Variants in ANK3 observed in about 807,000 individuals in gnomAD.
ANK3 encodes ankyrin-3.
Under a neutral mutation model 370.9 loss-of-function variants are expected in ANK3, and 57 were observed. The ratio of observed to expected loss-of-function variants is 0.15; its 90% CI spans 0.12 to 0.19. The LOEUF (loss-of-function observed/expected upper bound fraction) is 0.19. Among genes scored for constraint, ANK3 ranks in the 10% least tolerant of loss-of-function variants. The pLI is 1.00. For synonymous variants in ANK3, 1,929 were observed against 1,946.3 expected (o/e 0.99, Z 0.23); for missense variants, 4,439 against 5,302.1 (o/e 0.84, Z 5.06).
At chr10:60,291,290 T>G (rs1043596278) in intron 1 of ANK3, among the ~76,000 whole-genome samples, 1 of 152,102 alleles carries the variant, frequency 6.6e-6, no homozygotes. Context: ...AAATCATAGG[T>G]ATCAGGAGAG....
chr10:60,305,360 C>A (rs1418364758), intron 1 of ANK3, among the ~76,000 whole-genome samples: 2 of 151,938 alleles, frequency 1.3e-5, no homozygotes, highest in African/African-American at 2.4e-5. Flanking sequence ...GCAACAAAAA[C>A]CAGAAAATAA....
chr10:60,577,313 T>C (rs1049950451), intron 2 of ANK3, among the ~76,000 whole-genome samples: 1 of 152,154 alleles, frequency 6.6e-6, no homozygotes, highest in Non-Finnish European at 1.5e-5. Context: ...TTCTAGGCCA[T>C]AGAAAAGATT....
intron 2 of ANK3, among the ~76,000 whole-genome samples, chr10:60,562,414 G>A (rs1255631446): frequency 6.6e-6 from 1 of 151,790 alleles, no homozygotes; most frequent in African/African-American, 2.4e-5. Flanking sequence ...GTTTCGGGGG[G>A]GGCATCCGTG....
intron 42 of ANK3, among the ~76,000 whole-genome samples, chr10:60,051,989 G>T (rs551203378): frequency 6.6e-6 from 1 of 151,962 alleles, no homozygotes; most frequent in East Asian, 1.9e-4. Flanking sequence ...ACAGAAAGAG[G>T]CATAATATTT....
chr10:60,520,274 G>A (rs1595195049), intron 2 of ANK3, among the ~76,000 whole-genome samples: 1 of 152,142 alleles, frequency 6.6e-6, no homozygotes, highest in Non-Finnish European at 1.5e-5. Context: ...AGACACTGGG[G>A]ACGAAGGAGG....
At chr10:60,424,659 T>C (rs932607350) in intron 2 of ANK3, among the ~76,000 whole-genome samples, 1 of 152,116 alleles carries the variant, frequency 6.6e-6, no homozygotes, top group Non-Finnish European at 1.5e-5. Context: ...TACATTGTAG[T>C]GTGGCAGTTA....
intron 16 of ANK3, among the ~76,000 whole-genome samples, chr10:60,192,121 T>TG (rs2096492896): frequency 6.6e-6 from 1 of 152,058 alleles, no homozygotes; most frequent in Admixed American, 6.6e-5. Context: ...CTCCATCTCC[T>TG]GACCTCGTGA....
chr10:60,415,660 C>T (rs2063646763), intron 2 of ANK3, among the ~76,000 whole-genome samples: 2 of 152,114 alleles, frequency 1.3e-5, no homozygotes, highest in Admixed American at 1.3e-4. Context: ...TCAAATGAAC[C>T]TGTTAATTTC....
At chr10:60,439,194 C>G (rs1051566111) in intron 2 of ANK3, among the ~76,000 whole-genome samples, 2 of 152,032 alleles carry the variant, frequency 1.3e-5, no homozygotes, top group African/African-American at 4.8e-5. Context: ...GACTTCGAGA[C>G]CTTAGCCACT....
intron 2 of ANK3, among the ~76,000 whole-genome samples, chr10:60,477,598 A>G (rs1033148549): frequency 6.6e-6 from 1 of 151,646 alleles, no homozygotes; most frequent in Non-Finnish European, 1.5e-5. Context: ...AAAGTGTTAC[A>G]GGGCTATTAA....
intron 2 of ANK3, among the ~76,000 whole-genome samples, chr10:60,524,015 T>C (rs1442742555): frequency 2.0e-5 from 3 of 152,076 alleles, no homozygotes; most frequent in African/African-American, 4.8e-5. Context: ...TGTATTAAAT[T>C]AAAGGAATGC....
intron 1 of ANK3, among the ~76,000 whole-genome samples, chr10:60,674,475 C>G (rs1369023041): frequency 6.6e-6 from 1 of 152,050 alleles, no homozygotes; most frequent in Non-Finnish European, 1.5e-5. Context: ...ACAACCAGAT[C>G]TCACGTGAAC....
chr10:60,120,495 C>T (rs2093401279), intron 25 of ANK3, among the ~76,000 whole-genome samples: 1 of 151,922 alleles, frequency 6.6e-6, no homozygotes. Context: ...AGCTTCCGCA[C>T]AGCAAAAGAA....
At chr10:60,339,298 G>A (rs1417366002) in intron 1 of ANK3, among the ~76,000 whole-genome samples, 1 of 152,130 alleles carries the variant, frequency 6.6e-6, no homozygotes, top group Non-Finnish European at 1.5e-5. Context: ...GAGAGATAAA[G>A]CATCAGCAAA....
chr10:60,315,823 C>A (rs113397674), intron 1 of ANK3, among the ~76,000 whole-genome samples: 9 of 152,192 alleles, frequency 5.9e-5, no homozygotes, highest in Non-Finnish European at 1.3e-4. Context: ...CCATTCTCTT[C>A]CCAACCAGCA....
chr10:60,552,675 A>G (rs1384880452), intron 2 of ANK3, among the ~76,000 whole-genome samples: 1 of 152,184 alleles, frequency 6.6e-6, no homozygotes, highest in Non-Finnish European at 1.5e-5. Flanking sequence ...AAATAACTAA[A>G]TCTACTAAAG....
At chr10:60,435,705 CT>C (rs1169563576) in intron 2 of ANK3, among the ~76,000 whole-genome samples, 5 of 152,232 alleles carry the variant, frequency 3.3e-5, no homozygotes, top group Non-Finnish European at 7.3e-5. Flanking sequence ...CACTAATCTA[CT>C]TTCTGTCTTT....
At chr10:60,393,911 G>T (rs1383336484), upstream of ANK3, among the ~76,000 whole-genome samples, 1 of 151,812 alleles carries the variant, frequency 6.6e-6, no homozygotes, top group Non-Finnish European at 1.5e-5. Flanking sequence ...ATAGAATAAT[G>T]GAAGATGGAA....
intron 2 of ANK3, among the ~76,000 whole-genome samples, chr10:60,512,699 A>AT (rs2076117871): frequency 1.3e-5 from 2 of 152,240 alleles, no homozygotes; most frequent in African/African-American, 4.8e-5. Context: ...AGGGAATAAG[A>AT]TTTTTTAGAA....
Sources: allele counts gnomAD v4.1 joint callset (sites outside exome capture counted in the v4.1 genomes callset), GRCh38; gene constraint gnomAD v4.1.1; transcripts MANE v1.5; gene names NCBI Gene and HGNC (gene_info 2026-07-23, HGNC 2026-07-21).